Variants in CELF2 observed in about 807,000 individuals in gnomAD.
The protein encoded by CELF2 is CUGBP Elav-like family member 2.
In CELF2, 8 loss-of-function variants were observed where a neutral mutation model predicts 62.6. The ratio of observed to expected loss-of-function variants is 0.13; its 90% CI spans 0.07 to 0.23. The LOEUF (loss-of-function observed/expected upper bound fraction) is 0.23. CELF2 is among the 10% of genes least tolerant of loss of function. CELF2 has a pLI of 1.00. For synonymous variants in CELF2, 258 were observed against 250.0 expected (o/e 1.03, Z -0.30); for missense variants, 333 against 671.0 (o/e 0.50, Z 5.56).
chr10:11,180,098 A>G (rs2072794089), intron 2 of CELF2, among the ~76,000 whole-genome samples: 1 of 152,078 alleles, frequency 6.6e-6, no homozygotes, highest in Non-Finnish European at 1.5e-5. Context: ...TAATAAAGAG[A>G]GTGAAAGACT....
chr10:11,023,748 A>C (rs1314797651), intron 1 of CELF2, among the ~76,000 whole-genome samples: 2 of 152,240 alleles, frequency 1.3e-5, no homozygotes, highest in African/African-American at 4.8e-5. Context: ...TATGTGGCTG[A>C]AATGCCTTGT....
chr10:10,684,237 G>A, the CELF2 span, among the ~76,000 whole-genome samples: 1 of 152,126 alleles, frequency 6.6e-6, no homozygotes, highest in Non-Finnish European at 1.5e-5. Flanking sequence ...TCATCAGATT[G>A]CACCACGAAT....
At chr10:11,016,355 TA>T (rs2057256265), upstream of CELF2, among the ~76,000 whole-genome samples, 1 of 152,150 alleles carries the variant, frequency 6.6e-6, no homozygotes, top group East Asian at 1.9e-4. The surrounding 1 kb of genome is among the most constrained non-coding windows in gnomAD (Gnocchi z 5.2). Context: ...TTTAAAAAAT[TA>T]AGGTTAGTTT....
intron 2 of CELF2, among the ~76,000 whole-genome samples, chr10:10,955,437 G>T (rs944126156): frequency 6.6e-6 from 1 of 152,212 alleles, no homozygotes; most frequent in Non-Finnish European, 1.5e-5. Flanking sequence ...ATGAAATAGA[G>T]CTTTTGCATA....
the CELF2 span, among the ~76,000 whole-genome samples, chr10:10,711,663 C>T: frequency 6.6e-6 from 1 of 152,168 alleles, no homozygotes; most frequent in Non-Finnish European, 1.5e-5. Context: ...AGGAAGATCA[C>T]TTGAGGTCAG....
chr10:10,738,972 A>G, the CELF2 span, among the ~76,000 whole-genome samples: 1 of 152,200 alleles, frequency 6.6e-6, no homozygotes, highest in African/African-American at 2.4e-5. Context: ...CATGGGGTAT[A>G]TGGGAATTCT....
intron 1 of CELF2, among the ~76,000 whole-genome samples, chr10:11,028,290 A>G (rs921313858): frequency 6.6e-6 from 1 of 152,098 alleles, no homozygotes; most frequent in Non-Finnish European, 1.5e-5. Context: ...CCTTCTCTAC[A>G]CCAGATTTTG....
chr10:11,044,286 G>A (rs1204037577), intron 1 of CELF2, among the ~76,000 whole-genome samples: 3 of 152,190 alleles, frequency 2.0e-5, no homozygotes, highest in Non-Finnish European at 2.9e-5. Flanking sequence ...CAGGGGCTTG[G>A]TCTCTTGAGC....
the CELF2 span, among the ~76,000 whole-genome samples, chr10:10,559,900 T>C: frequency 6.6e-6 from 1 of 152,134 alleles, no homozygotes; most frequent in Non-Finnish European, 1.5e-5. Flanking sequence ...TGCACTAAAA[T>C]CGTTATTGAA....
chr10:10,496,069 ACT>A, the CELF2 span, among the ~76,000 whole-genome samples: 979 of 152,288 alleles, frequency 6.4e-3, 23 homozygotes, highest in Admixed American at 0.04. Context: ...GTCCATGGAA[ACT>A]CTATCCCTTT....
intron 2 of CELF2, among the ~76,000 whole-genome samples, chr10:11,184,792 GTC>G (rs2074386584): frequency 6.6e-6 from 1 of 152,158 alleles, no homozygotes; most frequent in African/African-American, 2.4e-5. Flanking sequence ...TTTTTAAAGA[GTC>G]TGTTGGATTT....
chr10:11,041,612 CT>C (rs2061864313), intron 1 of CELF2, among the ~76,000 whole-genome samples: 2 of 152,206 alleles, frequency 1.3e-5, no homozygotes, highest in Admixed American at 1.3e-4. Context: ...ATTCTTAGTT[CT>C]CAACTCATTC....
intron 2 of CELF2, among the ~76,000 whole-genome samples, chr10:10,961,342 G>A (rs2049475861): frequency 6.6e-6 from 1 of 152,190 alleles, no homozygotes; most frequent in Non-Finnish European, 1.5e-5. Flanking sequence ...AATGTATTGT[G>A]AAATGTTACC....
At chr10:11,095,538 C>A (rs2049587471) in intron 1 of CELF2, among the ~76,000 whole-genome samples, 1 of 152,188 alleles carries the variant, frequency 6.6e-6, no homozygotes. Flanking sequence ...AGGGGGAGGG[C>A]AGCTGAGGTT....
intron 1 of CELF2, among the ~76,000 whole-genome samples, chr10:10,872,668 C>CA (rs148468448): frequency 0.29 from 43,521 of 149,684 alleles, 7,595 homozygotes; most frequent in East Asian, 0.72. Context: ...ACAACAACAA[C>CA]AACAACAAAA....
the CELF2 span, among the ~76,000 whole-genome samples, chr10:10,688,837 CA>C: frequency 0.23 from 34,358 of 150,256 alleles, 4,107 homozygotes; most frequent in South Asian, 0.43. Flanking sequence ...CTGTGTATAC[CA>C]AAAAAAAATT....
chr10:11,239,750 T>G (rs1031009793), intron 3 of CELF2, among the ~76,000 whole-genome samples: 1 of 152,152 alleles, frequency 6.6e-6, no homozygotes, highest in Non-Finnish European at 1.5e-5. Context: ...TAAAATTATG[T>G]CAGCAAATGG....
chr10:10,622,821 C>T, the CELF2 span, among the ~76,000 whole-genome samples: 23 of 151,628 alleles, frequency 1.5e-4, no homozygotes, highest in African/African-American at 4.6e-4. Flanking sequence ...AAGCCGGGCG[C>T]GGTGGCTTAT....
intron 2 of CELF2, among the ~76,000 whole-genome samples, chr10:11,179,812 G>T (rs767348533): frequency 2.0e-5 from 3 of 152,208 alleles, no homozygotes; most frequent in Admixed American, 6.5e-5. Context: ...CAAACAGGGG[G>T]AAGGAGGGTC....
Sources: allele counts gnomAD v4.1 joint callset (sites outside exome capture counted in the v4.1 genomes callset), GRCh38; gene constraint gnomAD v4.1.1; non-coding constraint Gnocchi (gnomAD v3.1); transcripts MANE v1.5; gene names NCBI Gene and HGNC (gene_info 2026-07-23, HGNC 2026-07-21).